UQCC1: variants seen among roughly 807,000 people sequenced by gnomAD.
UQCC1 encodes the protein ubiquinol-cytochrome c reductase complex assembly factor 1.
In UQCC1, 38 loss-of-function variants were observed where a neutral mutation model predicts 48.0. That is an observed-to-expected ratio of 0.79 (90% CI 0.61 to 1.04). The LOEUF (loss-of-function observed/expected upper bound fraction) is 1.04, where lower values mean the gene tolerates loss of function less well. UQCC1 is among the 50% of genes least tolerant of loss of function. UQCC1 has a pLI of 0.00. For missense variants in UQCC1, 368 were observed against 381.8 expected (o/e 0.96, Z 0.30); for synonymous variants, 111 against 129.2 (o/e 0.86, Z 0.95).
chr20:35,378,273 A>G (rs1243615642), intron 4 of UQCC1, among the ~76,000 whole-genome samples: 1 of 152,230 alleles, frequency 6.6e-6, no homozygotes, highest in African/African-American at 2.4e-5. Flanking sequence ...AACATCCTAC[A>G]GGATGAAAAA....
intron 9 of UQCC1, chr20:35,304,569 C>T (rs2378348): frequency 0.025 from 4,512 of 181,720 alleles, 229 homozygotes; most frequent in African/African-American, 0.098. Context: ...AAACAGGTAC[C>T]TCACAGGACA....
intron 6 of UQCC1, among the ~76,000 whole-genome samples, chr20:35,356,769 T>C (rs1319157660): frequency 6.6e-6 from 1 of 152,186 alleles, no homozygotes; most frequent in African/African-American, 2.4e-5. Context: ...CCCTCCAGGA[T>C]CTATTGACCC....
intron 2 of UQCC1, among the ~76,000 whole-genome samples, chr20:35,388,134 C>T (rs1388436489): frequency 6.6e-6 from 1 of 151,660 alleles, no homozygotes; most frequent in Non-Finnish European, 1.5e-5. Context: ...ACGTGTGCCA[C>T]CACGCCAGCT....
chr20:35,377,579 C>CA lies in UQCC1; in HGVS notation c.334-3324dup, dbSNP rs778272820. On this transcript the variant is annotated intron_variant, in intron 4 of 9. Coordinates refer to ENST00000374385, the MANE Select transcript of UQCC1 (RefSeq NM_018244.5). ...TGGATGATGAGAATAGAGCAGTGGG[C>CA]AAAACAGACAAAAATCTCTACTCTC... Among the ~76,000 whole-genome samples, 138 of 152,184 alleles carry CA rather than the reference C, an allele frequency of 9.1e-4. 1 individual carries two copies. The highest frequency in any genetic ancestry group is 1.7e-3 in the Admixed American group (26 of 15,272).
At position 35,381,977 on chromosome 20, in the gene UQCC1, C is replaced by T. The variant is rs746972839; in HGVS notation, c.274G>A (p.Ala92Thr). Residue 92 changes from alanine to threonine, a missense_variant, in exon 4 of 10, where the codon GCT becomes ACT. Transcript: ENST00000374385. ...SPQPVEEKVG[A>T]FTKIIEAMGF... is the part of the protein sequence containing the mutation. ...ATGGCTTCTATTATCTTTGTGAAAGCACCAACCTTCTCCTCAACAGGCTGT... is the reference window on the plus strand; with the variant it reads ...ATGGCTTCTATTATCTTTGTGAAAGTACCAACCTTCTCCTCAACAGGCTGT... 1 of 1,613,258 alleles carries T rather than the reference C, an allele frequency of 6.2e-7. No homozygotes were observed.
At chr20:35,367,240 A>G (rs536516418) in intron 5 of UQCC1, among the ~76,000 whole-genome samples, 5 of 151,960 alleles carry the variant, frequency 3.3e-5, no homozygotes, top group Admixed American at 6.6e-5. Context: ...CACTTTGCAG[A>G]ATGTGGCCTA....
At chr20:35,318,029 G>C (rs925222954) in intron 7 of UQCC1, among the ~76,000 whole-genome samples, 2 of 152,296 alleles carry the variant, frequency 1.3e-5, no homozygotes, top group East Asian at 3.9e-4. Context: ...ATACTTGGAG[G>C]ATCTCCCTAC....
intron 2 of UQCC1, among the ~76,000 whole-genome samples, chr20:35,387,530 AAAGAGGACAAC>A (rs2061959534): frequency 6.6e-6 from 1 of 150,640 alleles, no homozygotes; most frequent in Non-Finnish European, 1.5e-5. Flanking sequence ...TTTTTTTTTC[AAAGAGGACAAC>A]TTTGGAGAAC....
intron 7 of UQCC1, among the ~76,000 whole-genome samples, chr20:35,342,582 C>T (rs899664239): frequency 2.6e-5 from 4 of 152,182 alleles, no homozygotes; most frequent in Non-Finnish European, 5.9e-5. Context: ...AAGGCGCTGT[C>T]TGTTTTTACA....
chr20:35,318,766 C>A (rs943969239), intron 7 of UQCC1, among the ~76,000 whole-genome samples: 1 of 152,230 alleles, frequency 6.6e-6, no homozygotes, highest in Admixed American at 6.5e-5. Context: ...AGTGACAGCA[C>A]CTTCCTCAAC....
rs2062044673 is a variant in UQCC1, at chr20:35,394,066, C to T, written c.129+26G>A. On this transcript the variant is annotated intron_variant, in intron 2 of 9. Transcript: ENST00000374385. ...GCACATAAACACTAAGGTTTTCATA[C>T]TAAGCAAAAGAACAACAAATCTTAC... The T allele has an allele frequency of 5.6e-6, 9 of 1,597,266 alleles. 1 individual carries two copies. In the Middle Eastern group the frequency reaches 6.6e-4, roughly 118 times the overall value.
intron 4 of UQCC1, among the ~76,000 whole-genome samples, chr20:35,375,410 T>C (rs1433752368): frequency 6.6e-6 from 1 of 152,184 alleles, no homozygotes; most frequent in Non-Finnish European, 1.5e-5. Context: ...TAACTTGAGA[T>C]CTGTCATGTT....
At chr20:35,321,296 G>GCGCGCGCA (rs998944216) in intron 7 of UQCC1, among the ~76,000 whole-genome samples, 3 of 151,982 alleles carry the variant, frequency 2.0e-5, no homozygotes, top group Admixed American at 2.0e-4. Context: ...GCGCGCGCGC[G>GCGCGCGCA]CGCACGCTCA....
At chr20:35,331,108 G>T (rs561748634) in intron 7 of UQCC1, among the ~76,000 whole-genome samples, 1 of 152,174 alleles carries the variant, frequency 6.6e-6, no homozygotes, top group Non-Finnish European at 1.5e-5. Context: ...TTAGCAAAAC[G>T]GTATGGGACA....
At chr20:35,400,270 T>C (rs970109169) in intron 1 of UQCC1, among the ~76,000 whole-genome samples, 6 of 152,020 alleles carry the variant, frequency 3.9e-5, no homozygotes. Context: ...ACTTCATCTA[T>C]AAATATAAAT....
intron 7 of UQCC1, among the ~76,000 whole-genome samples, chr20:35,343,306 T>G (rs187595862): frequency 3.3e-5 from 5 of 152,296 alleles, no homozygotes; most frequent in Admixed American, 3.3e-4. Flanking sequence ...GTCCCCACCT[T>G]TCTTTTAATA....
chr20:35,343,419 T>C (rs560940949), intron 7 of UQCC1, among the ~76,000 whole-genome samples: 1 of 152,256 alleles, frequency 6.6e-6, no homozygotes, highest in East Asian at 1.9e-4. Flanking sequence ...ACGTGTCCCA[T>C]TTATAGGTTG....
intron 2 of UQCC1, chr20:35,384,420 T>G: frequency 3.0e-6 from 1 of 337,604 alleles, no homozygotes; most frequent in Non-Finnish European, 5.8e-6. Flanking sequence ...GTGAGAGGAT[T>G]GCTTGAGGCC....
intron 7 of UQCC1, among the ~76,000 whole-genome samples, chr20:35,337,406 C>A (rs753288593): frequency 5.3e-5 from 8 of 152,112 alleles, no homozygotes; most frequent in Non-Finnish European, 8.8e-5. Flanking sequence ...CCAGGCTGGT[C>A]TCAAACCCCT....
Sources: allele counts gnomAD v4.1 joint callset (sites outside exome capture counted in the v4.1 genomes callset), GRCh38; gene constraint gnomAD v4.1.1; transcripts MANE v1.5; gene names NCBI Gene and HGNC (gene_info 2026-07-23, HGNC 2026-07-21).